CKAP5: variants seen among roughly 807,000 people sequenced by gnomAD.
The protein encoded by CKAP5 is cytoskeleton-associated protein 5.
Under a neutral mutation model 232.8 loss-of-function variants are expected in CKAP5, and 27 were observed. The observed-to-expected ratio is 0.12, with a 90% CI of 0.09 to 0.16. CKAP5 has a LOEUF of 0.16. Ranked by LOEUF, CKAP5 falls within the 10% of genes least tolerant of loss-of-function variation. The pLI is 1.00. For synonymous variants in CKAP5, 785 were observed against 841.1 expected (o/e 0.93, Z 1.16); for missense variants, 1,838 against 2,424.7 (o/e 0.76, Z 5.08).
chr11:46,783,480 G>C (rs1404390720), intron 17 of CKAP5, 112 bp from the exon 18 acceptor site: 2 of 628,462 alleles, frequency 3.2e-6, no homozygotes, highest in Non-Finnish European at 5.5e-6. Flanking sequence ...TAAAACAACT[G>C]CAAGAATGCC....
At chr11:46,748,871 G>C (rs972723356) in intron 42 of CKAP5, among the ~76,000 whole-genome samples, 1 of 151,676 alleles carries the variant, frequency 6.6e-6, no homozygotes, top group Non-Finnish European at 1.5e-5. Context: ...TCGCTCTGTC[G>C]CCCAGGCTGG....
Position 46,778,285 on chromosome 11 carries a change from T to TA in CKAP5, c.2601dup (p.Lys868Ter), listed in dbSNP as rs1190017799. On this transcript the variant is annotated frameshift_variant, in exon 22 of 44. Coordinates refer to ENST00000529230, the MANE Select transcript of CKAP5 (RefSeq NM_001008938.4). LOFTEE classifies it high-confidence loss of function. ...ATCTTCCAATTCTTATCACCAATCT[T>TA]AGATACCAACTCTGAAGTGATTTTA... is the stretch of plus-strand genomic sequence containing the variant. The TA allele has an allele frequency of 6.2e-7, 1 of 1,613,746 alleles. No individual in the cohort carries two copies. Among genetic ancestry groups the TA allele is most frequent in the Non-Finnish European group, 8.5e-7 (1 of 1,179,888 alleles).
chr11:46,816,097 C>G, intron 4 of CKAP5, 101 bp downstream of exon 4: 1 of 939,658 alleles, frequency 1.1e-6, no homozygotes, highest in Middle Eastern at 2.3e-4. Context: ...CCCCAACACA[C>G]AATTCTTCCA....
At chr11:46,755,871 G>C (rs1026269122) in intron 35 of CKAP5, among the ~76,000 whole-genome samples, 2 of 152,166 alleles carry the variant, frequency 1.3e-5, no homozygotes, top group South Asian at 4.1e-4. Context: ...GGAGGATGCA[G>C]TGAACCGAGA....
At chr11:46,796,763 AAG>A (rs780436584) in intron 12 of CKAP5, 47 bp downstream of exon 12, 2 of 1,603,880 alleles carry the variant, frequency 1.2e-6, no homozygotes, top group Non-Finnish European at 1.7e-6. Context: ...CCATGATGCA[AAG>A]AGACAGGAAT....
intron 26 of CKAP5, among the ~76,000 whole-genome samples, chr11:46,769,255 G>T (rs766200728): frequency 6.6e-6 from 1 of 152,136 alleles, no homozygotes; most frequent in East Asian, 1.9e-4. Context: ...AAGAAATCAA[G>T]AATTATCCCT....
rs532791016 is a variant in CKAP5, at chr11:46,744,438, C to A, written c.5844G>T (p.Leu1948=). 9 of 1,614,126 alleles carry A rather than the reference C, an allele frequency of 5.6e-6. No homozygotes were observed. The highest frequency in any genetic ancestry group is 5.1e-6 in the Non-Finnish European group (6 of 1,180,022). The change falls in exon 43 of 44, where the codon CTG becomes CTT. Residue 1948 remains leucine (L), a synonymous_variant. Transcript: ENST00000529230. ...RLKILRQRCG[L]DNTKQDDRPP... ...AAAGGAGCAGTACCTTTGTGTTGTC[C>A]AGACCACATCGCTGTCGGAGGATCT...
intron 13 of CKAP5, among the ~76,000 whole-genome samples, chr11:46,793,014 C>T (rs752574501): frequency 7.9e-5 from 12 of 152,148 alleles, no homozygotes; most frequent in Non-Finnish European, 1.3e-4. Context: ...AACAGATACC[C>T]GGTTTCTACT....
At position 46,744,105 on chromosome 11, in the gene CKAP5, C is replaced by T. The variant is rs1051321027; in HGVS notation, c.6017G>A (p.Gly2006Glu). The change falls in exon 44 of 44, where the codon GGA becomes GAA. Residue 2006 changes from glycine to glutamate, a missense_variant. By Grantham distance (98) the Gly-to-Glu change is moderately conservative. Coordinates refer to ENST00000529230, the MANE Select transcript of CKAP5 (RefSeq NM_001008938.4). ...TGTGGAGGAGGAGGAGGTCACAGTT[C>T]CTGAAGAGTGAGTCTGGTTAGAATC... The part of the protein sequence containing the change: ...DLDSNQTHSS[G>E]TVTSSSSTAN... 2 of 1,613,858 alleles carry T rather than the reference C, an allele frequency of 1.2e-6. No homozygotes were observed. The highest frequency in any genetic ancestry group is 1.7e-6 in the Non-Finnish European group (2 of 1,179,982).
At chr11:46,760,161 G>A (rs2045542672) in intron 33 of CKAP5, among the ~76,000 whole-genome samples, 1 of 152,308 alleles carries the variant, frequency 6.6e-6, no homozygotes, top group South Asian at 2.1e-4. Flanking sequence ...ACACAAAGAA[G>A]AAAGTGAATC....
rs375097229 is a variant in CKAP5 at position 46,795,743 on chromosome 11, G to C, written c.1501C>G (p.His501Asp). The C allele has an allele frequency of 1.2e-6, 2 of 1,613,914 alleles. No homozygotes were observed. The highest frequency in any genetic ancestry group is 3.3e-5 in the Admixed American group (2 of 59,982). Residue 501 changes from histidine (H) to aspartate (D), a missense_variant, in exon 13 of 44, where the codon CAT (histidine) becomes GAT (aspartate). This residue lies in a region of CKAP5 where 767 missense variants were observed against 954.6 expected (regional missense o/e 0.80). Transcript: ENST00000529230. The part of the protein sequence containing the change: ...KECSEKVELI[H>D]GKKAGLAADK... The stretch of plus-strand genomic sequence containing the variant: ...GCAGCTAGTCCAGCTTTCTTACCAT[G>C]TATCAGTTCTACCTTTTCTGAACAT...
chr11:46,810,420 C>G (rs529663845), intron 5 of CKAP5, among the ~76,000 whole-genome samples: 1 of 152,118 alleles, frequency 6.6e-6, no homozygotes, highest in African/African-American at 2.4e-5. Context: ...GGTGATCCTC[C>G]CACCTAAGCT....
At chr11:46,773,034 G>A (rs1273589046) in intron 24 of CKAP5, among the ~76,000 whole-genome samples, 5 of 150,598 alleles carry the variant, frequency 3.3e-5, no homozygotes, top group African/African-American at 9.8e-5. Context: ...GAGCCACCGC[G>A]CCTGGCCCTC....
intron 1 of CKAP5, among the ~76,000 whole-genome samples, chr11:46,827,940 C>T (rs1565756218): frequency 6.6e-6 from 1 of 152,170 alleles, no homozygotes; most frequent in Non-Finnish European, 1.5e-5. Flanking sequence ...CATTTTGTGT[C>T]TCCCATCATA....
At chr11:46,762,349 A>T (rs1210290531) in intron 31 of CKAP5, 156 bp from the exon 32 acceptor site, 1 of 929,542 alleles carries the variant, frequency 1.1e-6, no homozygotes, top group East Asian at 2.4e-5. Flanking sequence ...TCAGTGAAAA[A>T]ATGGTATTTC....
At chr11:46,749,431 G>A (rs1333699313) in intron 42 of CKAP5, among the ~76,000 whole-genome samples, 5 of 147,802 alleles carry the variant, frequency 3.4e-5, no homozygotes. Flanking sequence ...CCCCAGCCTG[G>A]GTGACAGGGT....
intron 32 of CKAP5, among the ~76,000 whole-genome samples, chr11:46,761,087 T>A (rs1165340826): frequency 2.0e-5 from 3 of 151,538 alleles, no homozygotes; most frequent in Admixed American, 6.6e-5. Flanking sequence ...CATCTATACA[T>A]AAAGTATAAA....
rs1412219428 is a variant in CKAP5 at position 46,762,607 on chromosome 11, G to T, written c.4027+20C>A. 7 of 1,613,568 alleles carry T rather than the reference G, an allele frequency of 4.3e-6. No homozygotes were observed. Among genetic ancestry groups the T allele is most frequent in the African/African-American group, 1.3e-5 (1 of 74,926 alleles). On this transcript the variant is annotated intron_variant, in intron 31 of 43. Coordinates refer to ENST00000529230, the MANE Select transcript of CKAP5 (RefSeq NM_001008938.4). ...TACTGCTGCAGAGATTCACATCTCA[G>T]TTTAAACTGTTTGCTTCACCTGCTC... is the stretch of plus-strand genomic sequence containing the variant.
chr11:46,815,176 G>A (rs1049391685), intron 4 of CKAP5, among the ~76,000 whole-genome samples: 16 of 151,910 alleles, frequency 1.1e-4, no homozygotes, highest in South Asian at 4.2e-4. Flanking sequence ...TCAGCCTTCC[G>A]AGTAGCTGGA....
Sources: allele counts gnomAD v4.1 joint callset (sites outside exome capture counted in the v4.1 genomes callset), GRCh38; gene constraint gnomAD v4.1.1; regional missense constraint gnomAD v4.1.1; transcripts MANE v1.5; gene names NCBI Gene and HGNC (gene_info 2026-07-23, HGNC 2026-07-21).